PHC1: variants seen among roughly 807,000 people sequenced by gnomAD.
PHC1 encodes polyhomeotic homolog 1.
PHC1 carries 12 observed loss-of-function variants against 104.3 expected under a neutral mutation model. That is an observed-to-expected ratio of 0.12 (90% CI 0.07 to 0.19). The LOEUF (loss-of-function observed/expected upper bound fraction) is 0.19, where lower values mean the gene tolerates loss of function less well. Ranked by LOEUF, PHC1 falls within the 10% of genes least tolerant of loss-of-function variation. The probability of loss-of-function intolerance (pLI) is 1.00; values close to 1 mark genes in which losing one functional copy is unlikely to be tolerated. For missense variants in PHC1, 671 were observed against 1,200.0 expected, an observed-to-expected ratio of 0.56 and a Z score of 6.51; for synonymous variants, 302 against 455.8, an observed-to-expected ratio of 0.66 and a Z score of 4.30.
intron 6 of PHC1, among the ~76,000 whole-genome samples, chr12:8,924,981 A>G (rs773739104): frequency 6.6e-6 from 1 of 152,206 alleles, no homozygotes. Context: ...GGTGATAGCA[A>G]TGGGAGCCAC....
At chr12:8,921,134 T>C (rs746648042) in intron 4 of PHC1, 69 bp downstream of exon 4, 12 of 1,179,026 alleles carry the variant, frequency 1.0e-5, no homozygotes, top group Middle Eastern at 2.0e-4. Context: ...AATTACTTTG[T>C]GCCGCTGATC....
At chr12:8,933,455 G>T in intron 8 of PHC1, 105 bp downstream of exon 8, 3 of 1,293,410 alleles carry the variant, frequency 2.3e-6, no homozygotes, top group South Asian at 3.3e-5. Flanking sequence ...AGTTAAGAGG[G>T]TTAATATTGG....
chr12:8,933,626 G>T (rs945040303), intron 8 of PHC1: 4 of 598,174 alleles, frequency 6.7e-6, no homozygotes, highest in Non-Finnish European at 1.1e-5. Context: ...ACAGTTCTTG[G>T]TTGGTCTACG....
At chr12:8,933,435 G>A in intron 8 of PHC1, 85 bp downstream of exon 8, 1 of 1,411,084 alleles carries the variant, frequency 7.1e-7, no homozygotes, top group Non-Finnish European at 9.4e-7. Flanking sequence ...AATTGAATAG[G>A]GGAATAAAGA....
chr12:8,921,616 A>C lies in PHC1; in HGVS notation c.322A>C (p.Thr108Pro). 1 of 1,613,704 alleles carries C rather than the reference A, an allele frequency of 6.2e-7. No homozygotes were observed. Among genetic ancestry groups the C allele is most frequent in the Non-Finnish European group, 8.5e-7 (1 of 1,179,862 alleles). Reference sequence around the variant, plus strand: ...TACCACACAGATCAATCTGGCCACCACATCGGCCGCCCAGCTCATCAGCCG... The same window carrying C: ...TACCACACAGATCAATCTGGCCACCCCATCGGCCGCCCAGCTCATCAGCCG... ...TTQASINLAT[T>P]SAAQLISRSQ... Residue 108 changes from threonine to proline, a missense_variant, in exon 5 of 15, where the codon ACA (threonine) becomes CCA (proline). This residue lies in a region of PHC1 where 237 missense variants were observed against 331.1 expected (regional missense o/e 0.72). Coordinates refer to ENST00000544916, the MANE Select transcript of PHC1 (RefSeq NM_004426.3).
At chr12:8,932,419 A>G in intron 7 of PHC1, 144 bp from the exon 8 acceptor site, 1 of 776,886 alleles carries the variant, frequency 1.3e-6, no homozygotes, top group Non-Finnish European at 2.1e-6. Context: ...GTGATGTCCA[A>G]GTTTCATACT....
At chr12:8,921,538 T>C (rs1945362987) in intron 4 of PHC1, 63 bp from the exon 5 acceptor site, 9 of 1,464,574 alleles carry the variant, frequency 6.1e-6, no homozygotes, top group Non-Finnish European at 8.6e-6. Flanking sequence ...AATTTGTCAG[T>C]CACGTACCTT....
At chr12:8,938,600 A>G (rs1331877040) in intron 14 of PHC1, among the ~76,000 whole-genome samples, 1 of 62,152 alleles carries the variant, frequency 1.6e-5, no homozygotes, top group Non-Finnish European at 4.8e-5. Flanking sequence ...ATTTTGACAA[A>G]GAGTTTTTTT....
intron 6 of PHC1, among the ~76,000 whole-genome samples, chr12:8,926,003 A>G (rs1336365258): frequency 6.6e-6 from 1 of 152,192 alleles, no homozygotes; most frequent in Non-Finnish European, 1.5e-5. Context: ...GAATCATTGA[A>G]GAGGGTGAAC....
chr12:8,939,330 T>C lies in PHC1; in HGVS notation c.2886T>C (p.Phe962=), dbSNP rs745650947. The stretch of plus-strand genomic sequence containing the variant: ...GCTGCCAAGAGATTGCAGAGGAATT[T>C]CGCTCACAGGAGATTGATGGACAGG... ...LQGCQEIAEE[F]RSQEIDGQAL... Residue 962 remains phenylalanine (F), a synonymous_variant, in exon 15 of 15, where the codon TTT becomes TTC. Transcript: ENST00000544916. The C allele has an allele frequency of 2.1e-5, 34 of 1,614,114 alleles. No homozygotes were observed. The highest frequency in any genetic ancestry group is 2.1e-4 in the South Asian group (19 of 91,074).
intron 3 of PHC1, among the ~76,000 whole-genome samples, chr12:8,920,659 GATC>G (rs1945335656): frequency 6.6e-6 from 1 of 152,222 alleles, no homozygotes; most frequent in Non-Finnish European, 1.5e-5. Flanking sequence ...AGTGAGCGGA[GATC>G]ATGCCACTGC....
Position 8,921,081 on chromosome 12 carries a change from C to T in PHC1, c.306+16C>T. ...CCAGGCCTCGGTGAGTACGCCCTCT[C>T]CCACTGAGAGGCTTCTCTACCTGGG... On this transcript the variant is annotated intron_variant, in intron 4 of 14. Coordinates refer to ENST00000544916, the MANE Select transcript of PHC1 (RefSeq NM_004426.3). 1.3e-6 allele frequency: 2 copies of T among 1,585,122 alleles called. No homozygotes were observed. The highest frequency in any genetic ancestry group is 4.5e-5 in the East Asian group (2 of 44,570).
At chr12:8,929,501 A>T (rs1156840250) in intron 6 of PHC1, among the ~76,000 whole-genome samples, 1 of 150,448 alleles carries the variant, frequency 6.6e-6, no homozygotes, top group Non-Finnish European at 1.5e-5. Context: ...GAAATTATAC[A>T]TTTTTTTTAA....
In PHC1 at chr12:8,936,982, C is replaced by T. The variant is rs771823541; in HGVS notation, c.2477+18C>T. The T allele has an allele frequency of 5.2e-6, 8 of 1,544,288 alleles. No individual in the cohort carries two copies. The highest frequency in any genetic ancestry group is 7.2e-6 in the Non-Finnish European group (8 of 1,117,420). On this transcript the variant is annotated intron_variant, in intron 12 of 14. Coordinates refer to ENST00000544916, the MANE Select transcript of PHC1 (RefSeq NM_004426.3). ...GCTAAGAGGTACTCTGGGCACCCTC[C>T]TCCTTGCCCTCAGCACTGGTATCTC...
intron 6 of PHC1, among the ~76,000 whole-genome samples, chr12:8,928,422 A>T (rs1273659937): frequency 6.6e-6 from 1 of 151,968 alleles, no homozygotes; most frequent in Non-Finnish European, 1.5e-5. Context: ...TCTCGTCATA[A>T]CCTGTTAAAA....
Position 8,921,726 on chromosome 12 carries a change from G to T in PHC1, c.432G>T (p.Gln144His). The change falls in exon 5 of 15, where the codon CAG becomes CAT. Residue 144 changes from glutamine (Q) to histidine (H), a missense_variant. Transcript: ENST00000544916. ...LGNTTSPPLN[Q>H]SQAQMYLRPQ... Reference sequence around the variant, plus strand: ...ACACCACCTCCCCACCCCTCAACCAGTCTCAGGCCCAGATGTATCTACGGG... The same window carrying T: ...ACACCACCTCCCCACCCCTCAACCATTCTCAGGCCCAGATGTATCTACGGG... 1.2e-6 allele frequency: 2 copies of T among 1,611,568 alleles called. No individual in the cohort carries two copies. Among genetic ancestry groups the T allele is most frequent in the Non-Finnish European group, 1.7e-6 (2 of 1,178,964 alleles).
At chr12:8,922,459 C>A (rs1405429749) in intron 5 of PHC1, among the ~76,000 whole-genome samples, 174 bp from the exon 6 acceptor site, 2 of 152,166 alleles carry the variant, frequency 1.3e-5, no homozygotes, top group Admixed American at 1.3e-4. Context: ...AGGTTTTCTT[C>A]TGGATGGTTC....
rs1427855231 is a variant in PHC1 at position 8,914,769 on chromosome 12, C to T, written c.-107C>T. On this transcript the variant is annotated 5_prime_UTR_variant, in exon 1 of 15. Coordinates refer to ENST00000544916, the MANE Select transcript of PHC1 (RefSeq NM_004426.3). ...CCCAGCCCAGCCTGGCGACTGGGGACCCCGGCACATGAGGTGGACGCCCCC... is the reference window on the plus strand; with the variant it reads ...CCCAGCCCAGCCTGGCGACTGGGGATCCCGGCACATGAGGTGGACGCCCCC... 6.5e-6 allele frequency: 1 copy of T among 153,408 alleles called. No individual in the cohort carries two copies. Among genetic ancestry groups the T allele is most frequent in the East Asian group, 1.9e-4 (1 of 5,164 alleles). The allele number at this position is 153,408 out of a possible 1,614,324, so 9.5% of individuals were successfully genotyped here.
intron 8 of PHC1, 174 bp downstream of exon 8, chr12:8,933,524 T>C: frequency 3.3e-6 from 3 of 922,736 alleles, no homozygotes; most frequent in South Asian, 4.2e-5. Context: ...AACTTTATAC[T>C]CCTAAATTTG....
Sources: allele counts gnomAD v4.1 joint callset (sites outside exome capture counted in the v4.1 genomes callset), GRCh38; gene constraint gnomAD v4.1.1; regional missense constraint gnomAD v4.1.1; transcripts MANE v1.5; gene names NCBI Gene and HGNC (gene_info 2026-07-23, HGNC 2026-07-21).